Variants in SDHAF3 observed in about 807,000 individuals in gnomAD.
SDHAF3 encodes succinate dehydrogenase assembly factor 3, mitochondrial.
SDHAF3 carries 18 observed loss-of-function variants against 11.5 expected under a neutral mutation model. That is an observed-to-expected ratio of 1.56 (90% CI 1.08 to 2.32). The LOEUF (loss-of-function observed/expected upper bound fraction) is 2.32, where lower values mean the gene tolerates loss of function less well. SDHAF3 is among the 30% of genes most tolerant of loss of function. The pLI is 0.00. For missense variants in SDHAF3, 200 were observed against 154.4 expected (o/e 1.30, Z -1.57); for synonymous variants, 72 against 59.3 (o/e 1.21, Z -0.99).
At chr7:97,169,130 A>G (rs945199238) in intron 1 of SDHAF3, among the ~76,000 whole-genome samples, 2 of 152,202 alleles carry the variant, frequency 1.3e-5, no homozygotes, top group African/African-American at 4.8e-5. Flanking sequence ...GTTCAAGACC[A>G]GCCTGGCCAG....
chr7:97,181,052 G>A lies in SDHAF3; in HGVS notation c.215G>A (p.Arg72Lys), dbSNP rs1008087099. The change falls in exon 2 of 2, where the codon AGA becomes AAA. Residue 72 changes from arginine (R) to lysine (K), a missense_variant. By Grantham distance (26) the Arg-to-Lys change is conservative. Transcript: ENST00000432641. The stretch of plus-strand genomic sequence containing the variant: ...TTATTGCAACAGGCTAACGAAAACA[G>A]ACAAAATTCAACTGGAAAAGCATGT... ...TALLQQANEN[R>K]QNSTGKACFG... 6.2e-6 allele frequency: 10 copies of A among 1,613,732 alleles called. No individual in the cohort carries two copies. Among genetic ancestry groups the A allele is most frequent in the Non-Finnish European group, 8.5e-6 (10 of 1,179,918 alleles).
rs1369645113 is a variant in SDHAF3 at position 97,181,133 on chromosome 7, G to T, written c.296G>T (p.Gly99Val). ...AATGACTTTCGTGATGAACAAATTGGACAGTTGCAGGAGCTGATGCAAGAA... is the reference window on the plus strand; with the variant it reads ...AATGACTTTCGTGATGAACAAATTGTACAGTTGCAGGAGCTGATGCAAGAA... The part of the protein sequence containing the change: ...KLNDFRDEQI[G>V]QLQELMQEAT... Residue 99 changes from glycine to valine, a missense_variant, in exon 2 of 2, where the codon GGA becomes GTA. By Grantham distance (109) the Gly-to-Val change is moderately radical (BLOSUM62 -3). Coordinates refer to ENST00000432641, the MANE Select transcript of SDHAF3 (RefSeq NM_020186.3). 1.2e-6 allele frequency: 2 copies of T among 1,613,836 alleles called. No homozygotes were observed. Among genetic ancestry groups the T allele is most frequent in the Non-Finnish European group, 1.7e-6 (2 of 1,179,920 alleles).
At chr7:97,159,818 T>C (rs193133173) in intron 1 of SDHAF3, among the ~76,000 whole-genome samples, 37 of 152,310 alleles carry the variant, frequency 2.4e-4, no homozygotes. Flanking sequence ...CTGTAAGCTT[T>C]CCATTAGTTT....
chr7:97,171,270 A>G (rs992296917), intron 1 of SDHAF3, among the ~76,000 whole-genome samples: 3 of 152,154 alleles, frequency 2.0e-5, no homozygotes, highest in South Asian at 4.1e-4. Context: ...ATTTTGGGGG[A>G]AAGTTACCTT....
chr7:97,180,319 T>C (rs1013141307), intron 1 of SDHAF3, among the ~76,000 whole-genome samples: 1 of 152,204 alleles, frequency 6.6e-6, no homozygotes, highest in African/African-American at 2.4e-5. Context: ...GATGAAAGCA[T>C]GTCCTTTGCA....
At chr7:97,141,729 C>T (rs141761249) in intron 1 of SDHAF3, among the ~76,000 whole-genome samples, 27,411 of 152,040 alleles carry the variant, frequency 0.18, 2,957 homozygotes, top group Non-Finnish European at 0.25. Context: ...CTCCTGACCT[C>T]GTGATCCTCC....
chr7:97,132,079 T>C (rs1425003670), intron 1 of SDHAF3, among the ~76,000 whole-genome samples: 1 of 152,202 alleles, frequency 6.6e-6, no homozygotes, highest in Non-Finnish European at 1.5e-5. Context: ...AATCAGGTGT[T>C]ACTTTAGTAA....
intron 1 of SDHAF3, among the ~76,000 whole-genome samples, chr7:97,178,113 A>G (rs963157987): frequency 8.5e-5 from 13 of 152,172 alleles, no homozygotes; most frequent in African/African-American, 3.1e-4. Context: ...TCTGTCTATG[A>G]ATTTTCCTAT....
At chr7:97,171,785 TA>T (rs1341757183) in intron 1 of SDHAF3, among the ~76,000 whole-genome samples, 1 of 152,116 alleles carries the variant, frequency 6.6e-6, no homozygotes, top group Non-Finnish European at 1.5e-5. Flanking sequence ...ATATCATTAT[TA>T]CTTTGGGGCC....
intron 1 of SDHAF3, among the ~76,000 whole-genome samples, chr7:97,147,294 A>C (rs937322995): frequency 5.9e-5 from 9 of 152,208 alleles, no homozygotes; most frequent in African/African-American, 2.2e-4. Context: ...ATAGAATTTC[A>C]AAATTAGATC....
chr7:97,162,837 G>A (rs746153979), intron 1 of SDHAF3, among the ~76,000 whole-genome samples: 26 of 152,146 alleles, frequency 1.7e-4, no homozygotes, highest in African/African-American at 3.1e-4. Flanking sequence ...GAATAATTGC[G>A]ATGAGGTGCT....
At chr7:97,156,346 C>T (rs1789300884) in intron 1 of SDHAF3, among the ~76,000 whole-genome samples, 1 of 152,172 alleles carries the variant, frequency 6.6e-6, no homozygotes, top group Non-Finnish European at 1.5e-5. Context: ...GGTAAAGTGC[C>T]ATTCCCACCA....
chr7:97,146,361 G>T (rs778845685), intron 1 of SDHAF3, among the ~76,000 whole-genome samples: 2 of 152,118 alleles, frequency 1.3e-5, no homozygotes, highest in African/African-American at 2.4e-5. Flanking sequence ...CATATAAATT[G>T]TGTTTATTAT....
At chr7:97,136,307 T>C in intron 1 of SDHAF3, 2 of 506,216 alleles carry the variant, frequency 4.0e-6, no homozygotes, top group Admixed American at 6.5e-5. Flanking sequence ...TTGTGAATCC[T>C]TTTGAAAAGT....
At chr7:97,147,607 T>C (rs1789155321) in intron 1 of SDHAF3, among the ~76,000 whole-genome samples, 1 of 152,242 alleles carries the variant, frequency 6.6e-6, no homozygotes, top group Admixed American at 6.5e-5. Flanking sequence ...AAGCTCATGC[T>C]GCCATGGGGG....
intron 1 of SDHAF3, among the ~76,000 whole-genome samples, chr7:97,172,902 G>A (rs138775418): frequency 1.4e-3 from 215 of 152,314 alleles, no homozygotes; most frequent in African/African-American, 5.0e-3. Flanking sequence ...AACTGTAAGC[G>A]GTCCCCTTTT....
intron 1 of SDHAF3, among the ~76,000 whole-genome samples, chr7:97,179,153 GT>G (rs1789732397): frequency 6.6e-6 from 1 of 152,152 alleles, no homozygotes; most frequent in African/African-American, 2.4e-5. Context: ...GGCTATATAT[GT>G]AAGGATTTAC....
At chr7:97,166,532 C>T (rs1584231454) in intron 1 of SDHAF3, among the ~76,000 whole-genome samples, 1 of 152,132 alleles carries the variant, frequency 6.6e-6, no homozygotes, top group African/African-American at 2.4e-5. Context: ...CTGATAGTAG[C>T]TTTTGGAGAG....
At chr7:97,167,044 A>ATTTTTTTTTTTTTTTTT (rs71131005) in intron 1 of SDHAF3, among the ~76,000 whole-genome samples, 1 of 147,688 alleles carries the variant, frequency 6.8e-6, no homozygotes. Flanking sequence ...ACTTTCAGTG[A>ATTTTTTTTTTTTTTTTT]TTTTTTTTTT....
Sources: allele counts gnomAD v4.1 joint callset (sites outside exome capture counted in the v4.1 genomes callset), GRCh38; gene constraint gnomAD v4.1.1; transcripts MANE v1.5; gene names NCBI Gene and HGNC (gene_info 2026-07-23, HGNC 2026-07-21).